GKAP1: variants seen among roughly 807,000 people sequenced by gnomAD.
The protein encoded by GKAP1 is G kinase-anchoring protein 1.
Under a neutral mutation model 56.7 loss-of-function variants are expected in GKAP1, and 31 were observed. The ratio of observed to expected loss-of-function variants is 0.55; its 90% confidence interval spans 0.41 to 0.74. GKAP1 has a LOEUF of 0.74. Among genes scored for constraint, GKAP1 ranks in the 30% least tolerant of loss-of-function variants. The pLI is 0.00. For missense variants in GKAP1, 364 were observed against 402.3 expected (o/e 0.90, Z 0.82); for synonymous variants, 151 against 138.6 (o/e 1.09, Z -0.63).
intron 9 of GKAP1, among the ~76,000 whole-genome samples, chr9:83,751,790 A>G (rs745990986): frequency 1.2e-4 from 19 of 152,086 alleles, no homozygotes; most frequent in Non-Finnish European, 2.2e-4. Flanking sequence ...GGGGAGAGGT[A>G]AGATTTGTAG....
chr9:83,771,237 G>GTTGT (rs57442408), intron 7 of GKAP1, among the ~76,000 whole-genome samples: 30,170 of 150,790 alleles, frequency 0.2, 3,062 homozygotes, highest in Admixed American at 0.22. Flanking sequence ...TAATTTTTTT[G>GTTGT]TTGTTTGTTT....
chr9:83,797,243 A>G (rs1403820305), intron 4 of GKAP1, among the ~76,000 whole-genome samples: 4 of 152,182 alleles, frequency 2.6e-5, no homozygotes, highest in Non-Finnish European at 5.9e-5. Flanking sequence ...TGTTTGACAT[A>G]AGCAGCCAAG....
At chr9:83,744,058 A>G (rs1217884549) in intron 10 of GKAP1, among the ~76,000 whole-genome samples, 2 of 152,224 alleles carry the variant, frequency 1.3e-5, no homozygotes, top group African/African-American at 4.8e-5. Context: ...TTCATAGTTT[A>G]ATATGATAAG....
intron 3 of GKAP1, among the ~76,000 whole-genome samples, chr9:83,805,377 A>G (rs1944422475): frequency 1.3e-5 from 2 of 151,894 alleles, no homozygotes; most frequent in Non-Finnish European, 2.9e-5. Context: ...ACCTTTGTTC[A>G]CTTGTTTATC....
intron 9 of GKAP1, among the ~76,000 whole-genome samples, chr9:83,749,475 C>T (rs1387386880): frequency 6.6e-6 from 1 of 152,118 alleles, no homozygotes; most frequent in African/African-American, 2.4e-5. Flanking sequence ...GATCAACCCG[C>T]CTTGGCCTCC....
rs80228071 is a variant in GKAP1, at chr9:83,806,177, T to G, written c.216+125A>C. ...TATACACAAATTCACATCCATTCAT[T>G]GAAGTAATATTTTCAGAGTACCTGT... On this transcript the variant is annotated intron_variant, in intron 3 of 12. Transcript: ENST00000376371. The G allele has an allele frequency of 4.8e-4, 303 of 633,144 alleles. No individual in the cohort carries two copies. In the African/African-American group the frequency reaches 5.0e-3, roughly 11 times the overall value. The allele number at this position is 633,144 out of a possible 1,614,324, so 39.2% of individuals were successfully genotyped here. A position where few individuals can be genotyped will look rare whatever the true frequency, so the allele number is the denominator to read the frequency against.
chr9:83,758,355 G>C (rs926894951), intron 8 of GKAP1, among the ~76,000 whole-genome samples: 23 of 152,078 alleles, frequency 1.5e-4, no homozygotes, highest in Non-Finnish European at 1.5e-4. Context: ...ATTACAAAAG[G>C]GGTTAGAAAA....
chr9:83,779,548 C>G (rs374821800), intron 7 of GKAP1, among the ~76,000 whole-genome samples: 7,944 of 91,064 alleles, frequency 0.087, 470 homozygotes, highest in Non-Finnish European at 0.12. Flanking sequence ...TATATATACA[C>G]GTGTATATGT....
chr9:83,783,568 T>C (rs1379873163), intron 6 of GKAP1, among the ~76,000 whole-genome samples: 1 of 152,252 alleles, frequency 6.6e-6, no homozygotes, highest in Non-Finnish European at 1.5e-5. Flanking sequence ...GTAAAATTCC[T>C]TCTGTCTTCT....
rs560357338 is a variant in GKAP1, at chr9:83,769,783, C to T, written c.586-813G>A. Among the ~76,000 whole-genome samples, 7 of 152,276 alleles carry T rather than the reference C, an allele frequency of 4.6e-5. No individual in the cohort carries two copies. In the East Asian group the frequency reaches 9.7e-4, roughly 21 times the overall value. ...CTCTATGTTTAACCTTTTGAGGTAT[C>T]GCTAGATAATTTTCCAAAGCAGCCC... On this transcript the variant is annotated intron_variant, in intron 7 of 12. Coordinates refer to ENST00000376371, the MANE Select transcript of GKAP1 (RefSeq NM_025211.4).
chr9:83,796,429 G>T (rs940545284), intron 4 of GKAP1, among the ~76,000 whole-genome samples: 1 of 152,056 alleles, frequency 6.6e-6, no homozygotes, highest in Non-Finnish European at 1.5e-5. Context: ...TTTTTAATCT[G>T]CTATGATTTT....
chr9:83,739,455 G>A lies in GKAP1; in HGVS notation c.*242C>T, dbSNP rs1480247245. ...GAGTAAATTAATTTTATTGACTGAT[G>A]AAAAACTAAAGTGATAAGAAGTATG... On this transcript the variant is annotated 3_prime_UTR_variant, in exon 13 of 13. Coordinates refer to ENST00000376371, the MANE Select transcript of GKAP1 (RefSeq NM_025211.4). 1.1e-5 allele frequency: 4 copies of A among 355,652 alleles called. No homozygotes were observed. The highest frequency in any genetic ancestry group is 2.0e-5 in the Non-Finnish European group (4 of 199,678). 22.0% of individuals were successfully genotyped at this position (355,652 alleles called of 1,614,324 possible).
At chr9:83,778,872 A>T (rs1265722216) in intron 7 of GKAP1, among the ~76,000 whole-genome samples, 1 of 111,002 alleles carries the variant, frequency 9.0e-6, no homozygotes, top group Non-Finnish European at 2.0e-5. Context: ...ACAAGACAGA[A>T]CACAGCTCTA....
At chr9:83,770,029 C>G (rs901825701) in intron 7 of GKAP1, among the ~76,000 whole-genome samples, 6 of 152,126 alleles carry the variant, frequency 3.9e-5, no homozygotes, top group African/African-American at 1.4e-4. Context: ...CTTCTCAGAT[C>G]CTTTGCCCAT....
At chr9:83,740,027 T>A (rs968898370) in intron 12 of GKAP1, among the ~76,000 whole-genome samples, 1 of 152,154 alleles carries the variant, frequency 6.6e-6, no homozygotes, top group Non-Finnish European at 1.5e-5. Flanking sequence ...ATTTTGACTG[T>A]TCTAGAATTA....
rs565494576 is a variant in GKAP1, at chr9:83,743,828, A to G, written c.905-1228T>C. 7.2e-5 allele frequency among the ~76,000 whole-genome samples: 11 copies of G among 152,268 alleles called. No individual in the cohort carries two copies. In the South Asian group the frequency reaches 2.3e-3, roughly 32 times the overall value. ...CTCTCTTGGGAGAAGCGAGGTATCT[A>G]TACTTTGGCCCTATGTTTCCTAAGC... On this transcript the variant is annotated intron_variant, in intron 10 of 12. Coordinates refer to ENST00000376371, the MANE Select transcript of GKAP1 (RefSeq NM_025211.4).
intron 12 of GKAP1, among the ~76,000 whole-genome samples, chr9:83,741,360 TCACA>T (rs35325635): frequency 6.2e-4 from 30 of 48,564 alleles, no homozygotes; most frequent in South Asian, 2.6e-3. Context: ...AATATATCTC[TCACA>T]CACACACACA....
intron 6 of GKAP1, among the ~76,000 whole-genome samples, chr9:83,783,378 G>T (rs1944009992): frequency 6.6e-6 from 1 of 152,164 alleles, no homozygotes; most frequent in Non-Finnish European, 1.5e-5. Context: ...AGTCATATGT[G>T]ACTGAGCACT....
At chr9:83,771,807 T>C (rs1943767170) in intron 7 of GKAP1, among the ~76,000 whole-genome samples, 1 of 152,184 alleles carries the variant, frequency 6.6e-6, no homozygotes, top group Admixed American at 6.5e-5. Context: ...TGAGCTTCTG[T>C]GGAAAGAATA....
Sources: allele counts gnomAD v4.1 joint callset (sites outside exome capture counted in the v4.1 genomes callset), GRCh38; gene constraint gnomAD v4.1.1; transcripts MANE v1.5; gene names NCBI Gene and HGNC (gene_info 2026-07-23, HGNC 2026-07-21).